TSPAN9: variants seen among roughly 807,000 people sequenced by gnomAD.
The protein encoded by TSPAN9 is tetraspanin 9.
A neutral mutation model predicts 31.0 loss-of-function variants in TSPAN9; 16 were observed. The ratio of observed to expected loss-of-function variants is 0.52; its 90% CI spans 0.35 to 0.78. TSPAN9 has a LOEUF of 0.78. Ranked by LOEUF, TSPAN9 falls within the 30% of genes least tolerant of loss-of-function variation. TSPAN9 has a pLI of 0.01. For missense variants in TSPAN9, 272 were observed against 312.5 expected (o/e 0.87, Z 0.98); for synonymous variants, 145 against 121.6 (o/e 1.19, Z -1.27).
chr12:3,135,008 T>C (rs79479723), intron 2 of TSPAN9, among the ~76,000 whole-genome samples: 221 of 152,226 alleles, frequency 1.5e-3, no homozygotes, highest in Non-Finnish European at 2.3e-3. Context: ...CGGAGGTGCC[T>C]GCAGTCAGGG....
intron 3 of TSPAN9, among the ~76,000 whole-genome samples, chr12:3,236,853 C>G (rs1438270167): frequency 6.6e-6 from 1 of 152,182 alleles, no homozygotes; most frequent in African/African-American, 2.4e-5. Context: ...TCTGCAGGCT[C>G]AGATCCTGTC....
At chr12:3,195,437 A>G (rs904996214) in intron 2 of TSPAN9, among the ~76,000 whole-genome samples, 6 of 152,144 alleles carry the variant, frequency 3.9e-5, no homozygotes, top group African/African-American at 1.4e-4. Flanking sequence ...TTAAAAAAAA[A>G]ATAAAAGAAA....
intron 2 of TSPAN9, among the ~76,000 whole-genome samples, chr12:3,119,689 C>T (rs969381488): frequency 6.6e-6 from 1 of 152,206 alleles, no homozygotes; most frequent in Non-Finnish European, 1.5e-5. Flanking sequence ...CTTCTCCCTT[C>T]TTTCAGGTCA....
chr12:3,159,106 A>G (rs550321538), intron 2 of TSPAN9, among the ~76,000 whole-genome samples: 35 of 151,874 alleles, frequency 2.3e-4, no homozygotes, highest in Middle Eastern at 3.4e-3. Flanking sequence ...CTAAGTTCTT[A>G]GGCATTTTTC....
At position 3,130,294 on chromosome 12, in the gene TSPAN9, C is replaced by T. The variant is rs150447256; in HGVS notation, c.-18+46575C>T. 1.2e-3 allele frequency among the ~76,000 whole-genome samples: 182 copies of T among 152,344 alleles called. 1 individual carries two copies. The highest frequency in any genetic ancestry group is 4.2e-3 in the African/African-American group (175 of 41,582). ...CTAAAGCTGATCGAGCTGGTGAAAA[C>T]GGAAGTTCCCCATTTTTCCCCCTCT... On this transcript the variant is annotated intron_variant, in intron 2 of 8. Transcript: ENST00000011898.
intron 2 of TSPAN9, chr12:3,173,811 A>ATC (rs1313549250): frequency 1.3e-5 from 2 of 151,824 alleles, no homozygotes; most frequent in Non-Finnish European, 2.9e-5. Flanking sequence ...TTGTTTAAAG[A>ATC]TCTCTCTCTC....
At chr12:3,233,623 A>C (rs941091630) in intron 3 of TSPAN9, among the ~76,000 whole-genome samples, 6 of 152,208 alleles carry the variant, frequency 3.9e-5, no homozygotes, top group African/African-American at 1.4e-4. Flanking sequence ...CTTGTAGTTC[A>C]TTCATTTTCC....
chr12:3,272,466 A>G (rs2153980187), intron 3 of TSPAN9, among the ~76,000 whole-genome samples: 1 of 150,708 alleles, frequency 6.6e-6, no homozygotes, highest in East Asian at 1.9e-4. Flanking sequence ...AATGGATAAG[A>G]CACAAACCTG....
At chr12:3,141,375 C>T (rs2098334769) in intron 2 of TSPAN9, among the ~76,000 whole-genome samples, 1 of 152,156 alleles carries the variant, frequency 6.6e-6, no homozygotes, top group Non-Finnish European at 1.5e-5. Context: ...GCCTCGGTCT[C>T]CCAGCCTGGT....
At chr12:3,177,413 A>C (rs1293501634) in intron 2 of TSPAN9, among the ~76,000 whole-genome samples, 2 of 149,088 alleles carry the variant, frequency 1.3e-5, no homozygotes, top group African/African-American at 5.0e-5. Flanking sequence ...CTGGGATTAC[A>C]GGCGTGAGCC....
intron 2 of TSPAN9, among the ~76,000 whole-genome samples, chr12:3,185,570 A>G (rs1025605267): frequency 2.6e-5 from 4 of 152,170 alleles, no homozygotes; most frequent in African/African-American, 7.2e-5. Flanking sequence ...GGAGCGCCTC[A>G]GGTCAGCACT....
chr12:3,279,201 C>T (rs751038640), intron 5 of TSPAN9, 135 bp downstream of exon 5: 3 of 822,396 alleles, frequency 3.6e-6, no homozygotes, highest in African/African-American at 3.4e-5. Context: ...AACATGGAAC[C>T]AAGGGTTGGG....
intron 2 of TSPAN9, among the ~76,000 whole-genome samples, chr12:3,097,797 C>T (rs1188673830): frequency 6.6e-6 from 1 of 152,236 alleles, no homozygotes; most frequent in Non-Finnish European, 1.5e-5. Flanking sequence ...TTCAATTTCT[C>T]TATCCTTCTC....
At chr12:3,235,957 T>C (rs923500732) in intron 3 of TSPAN9, among the ~76,000 whole-genome samples, 2 of 152,252 alleles carry the variant, frequency 1.3e-5, no homozygotes, top group African/African-American at 4.8e-5. Context: ...TGTTCCAGGA[T>C]TCCCCTGGAC....
chr12:3,242,604 G>A (rs935314387), intron 3 of TSPAN9, among the ~76,000 whole-genome samples: 6 of 152,354 alleles, frequency 3.9e-5, no homozygotes, highest in African/African-American at 1.4e-4. Context: ...ATCCTCTGCG[G>A]AGCCCAGCTG....
chr12:3,220,410 C>T (rs1038379174), intron 3 of TSPAN9, among the ~76,000 whole-genome samples: 2 of 152,352 alleles, frequency 1.3e-5, no homozygotes, highest in East Asian at 3.9e-4. Context: ...GTCTAGGGTG[C>T]ATGGGTGGGC....
At chr12:3,129,433 G>T (rs12812759) in intron 2 of TSPAN9, among the ~76,000 whole-genome samples, 1 of 152,120 alleles carries the variant, frequency 6.6e-6, no homozygotes, top group Admixed American at 6.5e-5. Context: ...AAGATTAATA[G>T]TTCCTTCTAC....
intron 3 of TSPAN9, among the ~76,000 whole-genome samples, chr12:3,270,061 C>A (rs1478960256): frequency 2.6e-5 from 4 of 152,228 alleles, no homozygotes; most frequent in African/African-American, 9.6e-5. Flanking sequence ...TGTGGTCCTT[C>A]TGAGGGCTGT....
At chr12:3,175,073 G>A (rs899300568) in intron 2 of TSPAN9, among the ~76,000 whole-genome samples, 21 of 152,246 alleles carry the variant, frequency 1.4e-4, no homozygotes, top group Admixed American at 4.6e-4. Flanking sequence ...GAAGTGTTGC[G>A]GACACAACCC....
Sources: allele counts gnomAD v4.1 joint callset (sites outside exome capture counted in the v4.1 genomes callset), GRCh38; gene constraint gnomAD v4.1.1; transcripts MANE v1.5; gene names NCBI Gene and HGNC (gene_info 2026-07-23, HGNC 2026-07-21).